The following LMX1B variants were observed in gnomAD, a reference collection of about 807,000 sequenced individuals.
LMX1B encodes the protein LIM homeobox transcription factor 1-beta.
Under a neutral mutation model 51.4 loss-of-function variants are expected in LMX1B, and 12 were observed. That is an observed-to-expected ratio of 0.23 (90% CI 0.15 to 0.38). The LOEUF (loss-of-function observed/expected upper bound fraction) is 0.38, where lower values mean the gene tolerates loss of function less well. Ranked by LOEUF, LMX1B falls within the 10% of genes least tolerant of loss-of-function variation. The pLI, the probability that LMX1B is intolerant of heterozygous loss-of-function variation, is 1.00. For synonymous variants in LMX1B, 237 were observed against 235.4 expected, an observed-to-expected ratio of 1.01 and a Z score of -0.06; for missense variants, 445 against 571.1, an observed-to-expected ratio of 0.78 and a Z score of 2.25.
intron 2 of LMX1B, among the ~76,000 whole-genome samples, chr9:126,660,352 G>T (rs922601631): frequency 3.3e-5 from 5 of 151,996 alleles, no homozygotes; most frequent in African/African-American, 9.7e-5. Context: ...AGTTTGTCCT[G>T]GTGTGGCCAA....
chr9:126,664,390 A>G (rs1164605666), intron 2 of LMX1B, among the ~76,000 whole-genome samples: 1 of 151,856 alleles, frequency 6.6e-6, no homozygotes, highest in African/African-American at 2.4e-5. Context: ...CCCCCACCCA[A>G]ACAGACAGCC....
chr9:126,639,651 T>C (rs1006987776), intron 2 of LMX1B, among the ~76,000 whole-genome samples: 1 of 152,152 alleles, frequency 6.6e-6, no homozygotes, highest in African/African-American at 2.4e-5. Context: ...CAACCTCAGC[T>C]GACAGTCTCC....
chr9:126,628,557 A>G (rs1835575228), intron 2 of LMX1B, among the ~76,000 whole-genome samples: 1 of 152,124 alleles, frequency 6.6e-6, no homozygotes, highest in South Asian at 2.1e-4. Flanking sequence ...GAGCGATGGA[A>G]TCTCTACGCT....
intron 2 of LMX1B, among the ~76,000 whole-genome samples, chr9:126,627,251 C>G (rs952442156): frequency 6.6e-6 from 1 of 151,972 alleles, no homozygotes; most frequent in Non-Finnish European, 1.5e-5. Flanking sequence ...GGCTCATCCA[C>G]GATATAGTGC....
In LMX1B at chr9:126,615,403, G is replaced by T; in HGVS notation, c.160G>T (p.Ala54Ser). The T allele has an allele frequency of 6.2e-7, 1 of 1,602,394 alleles. No individual in the cohort carries two copies. ...VLLGSDCPHP[A>S]VCEGCQRPIS... ...TACAGGCTCCGACTGCCCGCATCCCGCCGTCTGCGAGGGCTGCCAGCGGCC... is the reference window on the plus strand; with the variant it reads ...TACAGGCTCCGACTGCCCGCATCCCTCCGTCTGCGAGGGCTGCCAGCGGCC... The change falls in exon 2 of 8, where the codon GCC becomes TCC. Residue 54 changes from alanine (A) to serine (S), a missense_variant. Ala to Ser is a moderately conservative substitution (Grantham distance 99). This residue lies in a region of LMX1B where 273 missense variants were observed against 343.3 expected (regional missense o/e 0.80). Transcript: ENST00000373474. This position sits in a 1 kb window ranked among gnomAD's most constrained non-coding sequence, Gnocchi z 6.0.
intron 2 of LMX1B, among the ~76,000 whole-genome samples, chr9:126,632,630 T>C (rs949939907): frequency 6.6e-6 from 1 of 152,062 alleles, no homozygotes; most frequent in Non-Finnish European, 1.5e-5. Context: ...TATTGCCACC[T>C]TGGAGGTGAG....
At chr9:126,614,745 C>A (rs1835268518) in intron 1 of LMX1B, among the ~76,000 whole-genome samples, 157 bp downstream of exon 1, 1 of 152,092 alleles carries the variant, frequency 6.6e-6, no homozygotes, top group Non-Finnish European at 1.5e-5. Context: ...CGCCAGAGGG[C>A]CGCAAGTACG....
intron 2 of LMX1B, among the ~76,000 whole-genome samples, chr9:126,622,880 A>G (rs1835443662): frequency 6.6e-6 from 1 of 152,262 alleles, no homozygotes; most frequent in African/African-American, 2.4e-5. Context: ...AAGGGCCTTT[A>G]GGGAAGGACT....
intron 2 of LMX1B, among the ~76,000 whole-genome samples, chr9:126,644,705 G>A (rs566239323): frequency 7.2e-5 from 11 of 152,270 alleles, no homozygotes; most frequent in African/African-American, 2.4e-4. Context: ...CTTCCTGGCC[G>A]TGTCCCTGCC....
chr9:126,640,236 TG>T (rs1835784580), intron 2 of LMX1B, among the ~76,000 whole-genome samples: 2 of 152,144 alleles, frequency 1.3e-5, no homozygotes, highest in African/African-American at 2.4e-5. Context: ...GAGCTGGGGC[TG>T]AGGTGTGGGG....
chr9:126,670,330 G>A (rs941278319), intron 2 of LMX1B, among the ~76,000 whole-genome samples: 12 of 152,370 alleles, frequency 7.9e-5, no homozygotes, highest in South Asian at 6.2e-4. Flanking sequence ...GCAGTTGTGC[G>A]TGCATGTAAA....
At position 126,695,965 on chromosome 9, in the gene LMX1B, C is replaced by T. The variant is rs765829979; in HGVS notation, c.1013C>T (p.Thr338Met). 7.4e-6 allele frequency: 12 copies of T among 1,612,392 alleles called. No individual in the cohort carries two copies. The highest frequency in any genetic ancestry group is 5.5e-5 in the South Asian group (5 of 91,016). The change falls in exon 7 of 8, where the codon ACG becomes ATG. Residue 338 changes from threonine (T) to methionine (M), a missense_variant. Transcript: ENST00000373474. The surrounding 1 kb of genome is among the most constrained non-coding windows in gnomAD (Gnocchi z 5.2). ...AGCGACCCCTTCCAGCAGGGCCTCA[C>T]GCCGCCCCAAATGCCAGGTGACCAC... ...GSSDPFQQGLTPPQMPGDHMN... is the reference protein window; with the variant it reads ...GSSDPFQQGLMPPQMPGDHMN...
intron 2 of LMX1B, among the ~76,000 whole-genome samples, chr9:126,684,902 A>G (rs1836744000): frequency 6.6e-6 from 1 of 152,166 alleles, no homozygotes; most frequent in African/African-American, 2.4e-5. Context: ...GCAGGAGGGC[A>G]AGTTCACTTA....
intron 2 of LMX1B, among the ~76,000 whole-genome samples, chr9:126,683,403 C>A (rs528212338): frequency 2.6e-5 from 4 of 152,306 alleles, no homozygotes; most frequent in African/African-American, 9.6e-5. Context: ...TAAAAAACAG[C>A]TACGCCCGGA....
chr9:126,616,514 A>C (rs1464995000), intron 2 of LMX1B, among the ~76,000 whole-genome samples: 1 of 152,198 alleles, frequency 6.6e-6, no homozygotes, highest in African/African-American at 2.4e-5. Flanking sequence ...CAACTGAAAG[A>C]GGGGTGTGGA....
intron 2 of LMX1B, among the ~76,000 whole-genome samples, chr9:126,653,415 C>T (rs1012412829): frequency 1.3e-5 from 2 of 152,060 alleles, no homozygotes; most frequent in Admixed American, 6.5e-5. Context: ...CTTGACCTCC[C>T]GAAGTGTTGG....
At chr9:126,620,815 A>C (rs1188580438) in intron 2 of LMX1B, among the ~76,000 whole-genome samples, 1 of 152,202 alleles carries the variant, frequency 6.6e-6, no homozygotes, top group Non-Finnish European at 1.5e-5. Flanking sequence ...GGAAAAGCTT[A>C]ATAATTCATA....
In LMX1B at chr9:126,671,322, T is replaced by G. The variant is rs763348861; in HGVS notation, c.327-19514T>G. Among the ~76,000 whole-genome samples the G allele has an allele frequency of 6.6e-6, 1 of 152,016 alleles. No individual in the cohort carries two copies. The highest frequency in any genetic ancestry group is 1.5e-5 in the Non-Finnish European group (1 of 68,002). On this transcript the variant is annotated intron_variant, in intron 2 of 7. Transcript: ENST00000373474. The surrounding 1 kb of genome is among the most constrained non-coding windows in gnomAD (Gnocchi z 4.4). ...TTTGCATTGTGAAAACCCACAAATA[T>G]CAGCTAAATGAGGTGCGCCAGCAGA...
At position 126,693,603 on chromosome 9, in the gene LMX1B, T is replaced by G. The variant is rs2118992878; in HGVS notation, c.819+2T>G. ...TGGTTTCAGAACCAAAGAGCAAAGG[T>G]AAGAGGCCACCCCCCATCCCCACTG... On this transcript the variant is annotated splice_donor_variant, in intron 5 of 7. Coordinates refer to ENST00000373474, the MANE Select transcript of LMX1B (RefSeq NM_001174147.2). LOFTEE classifies it high-confidence loss of function. 1 of 1,613,550 alleles carries G rather than the reference T, an allele frequency of 6.2e-7. No individual in the cohort carries two copies. The highest frequency in any genetic ancestry group is 8.5e-7 in the Non-Finnish European group (1 of 1,179,844).
Sources: gnomAD v4.1 joint callset for allele counts (sites outside exome capture counted in the v4.1 genomes callset) on GRCh38, gnomAD v4.1.1 for gene constraint, gnomAD v4.1.1 regional missense constraint, Gnocchi (gnomAD v3.1) non-coding constraint, MANE v1.5 for transcripts, NCBI Gene and HGNC (gene_info 2026-07-23, HGNC 2026-07-21) for gene names.